C10orf71: variants seen among roughly 807,000 people sequenced by gnomAD.
C10orf71 encodes the protein chromosome 10 open reading frame 71.
For missense variants in C10orf71, 1,869 were observed against 1,804.5 expected (o/e 1.04, Z -0.65); for synonymous variants, 758 against 726.3 (o/e 1.04, Z -0.70).
chr10:49,324,501 G>A lies in C10orf71; in HGVS notation c.1956G>A (p.Arg652=). ...ACCTCTCCCTGAGGCTTTGCAATAG[G>A]GATCCTGAGCCTGGAGGGGCTACAG... The part of the protein sequence containing the change: ...RKHLSLRLCN[R]DPEPGGATEK... Residue 652 remains arginine, a synonymous_variant, in exon 3 of 3, where the codon AGG becomes AGA. Coordinates refer to ENST00000374144, the MANE Select transcript of C10orf71 (RefSeq NM_001135196.2). 1 of 1,611,422 alleles carries A rather than the reference G, an allele frequency of 6.2e-7. No homozygotes were observed. The highest frequency in any genetic ancestry group is 2.2e-5 in the East Asian group (1 of 44,846).
chr10:49,297,181 A>T (rs1014187889), upstream of C10orf71, among the ~76,000 whole-genome samples: 5 of 152,212 alleles, frequency 3.3e-5, no homozygotes, highest in African/African-American at 9.6e-5. Context: ...GGTGCTGAGG[A>T]GGGGAGGAAA....
chr10:49,309,045 T>A (rs1263022842), intron 1 of C10orf71, among the ~76,000 whole-genome samples: 2 of 152,220 alleles, frequency 1.3e-5, no homozygotes, highest in East Asian at 3.8e-4. Context: ...GAGGGGAGCC[T>A]ATCATGCCAA....
chr10:49,315,090 G>A (rs958370658), intron 1 of C10orf71, among the ~76,000 whole-genome samples: 4 of 152,318 alleles, frequency 2.6e-5, no homozygotes, highest in South Asian at 2.1e-4. Flanking sequence ...TTGGGAACAC[G>A]AAGGAGGCCC....
chr10:49,324,703 C>G lies in C10orf71; in HGVS notation c.2158C>G (p.Pro720Ala), dbSNP rs749563469. 1 of 1,602,648 alleles carries G rather than the reference C, an allele frequency of 6.2e-7. No homozygotes were observed. The highest frequency in any genetic ancestry group is 1.3e-5 in the African/African-American group (1 of 74,708). ...FYSDSQSDFM[P>A]SLKGKAKFST... ...CAGTGACAGCCAATCCGATTTTATG[C>G]CAAGCCTCAAAGGTAAGGCCAAATT... is the stretch of plus-strand genomic sequence containing the variant. Residue 720 changes from proline (P) to alanine (A), a missense_variant, in exon 3 of 3, where the codon CCA (proline) becomes GCA (alanine). Pro to Ala is a conservative substitution (Grantham distance 27, BLOSUM62 -1). Coordinates refer to ENST00000374144, the MANE Select transcript of C10orf71 (RefSeq NM_001135196.2).
At position 49,325,779 on chromosome 10, in the gene C10orf71, G is replaced by A. The variant is rs778974852; in HGVS notation, c.3234G>A (p.Glu1078=). ...CSPAASNIWE[E]SSQAPGGPEL... Reference sequence around the variant, plus strand: ...CTGCTGCCAGCAACATTTGGGAGGAGTCTTCCCAGGCCCCTGGAGGACCAG... The same window carrying A: ...CTGCTGCCAGCAACATTTGGGAGGAATCTTCCCAGGCCCCTGGAGGACCAG... Residue 1078 remains glutamate (E), a synonymous_variant, in exon 3 of 3, where the codon GAG becomes GAA. Transcript: ENST00000374144. 1.5e-5 allele frequency: 23 copies of A among 1,551,486 alleles called. 1 individual carries two copies. In the Middle Eastern group the frequency reaches 5.0e-4, roughly 34 times the overall value.
intron 1 of C10orf71, among the ~76,000 whole-genome samples, chr10:49,315,391 T>C (rs1848982942): frequency 6.6e-6 from 1 of 152,196 alleles, no homozygotes; most frequent in South Asian, 2.1e-4. Context: ...TTTTTGGTTC[T>C]TTTAGCTGTC....
intron 2 of C10orf71, among the ~76,000 whole-genome samples, chr10:49,319,692 A>C (rs1849059562): frequency 9.7e-5 from 1 of 10,284 alleles, no homozygotes; most frequent in African/African-American, 2.9e-4. Flanking sequence ...CTATATATAT[A>C]TATATATATA....
At position 49,325,547 on chromosome 10, in the gene C10orf71, T is replaced by G. The variant is rs1849212788; in HGVS notation, c.3002T>G (p.Ile1001Ser). The change falls in exon 3 of 3, where the codon ATC (isoleucine) becomes AGC (serine). Residue 1001 changes from isoleucine (I) to serine (S), a missense_variant. Coordinates refer to ENST00000374144, the MANE Select transcript of C10orf71 (RefSeq NM_001135196.2). The stretch of plus-strand genomic sequence containing the variant: ...GGGAAGCTGGCAGCCCCATGGCACA[T>G]CCCCACCATTGCTTTACCCGAGGGT... The part of the protein sequence containing the change: ...DSGKLAAPWH[I>S]PTIALPEGDI... 6.5e-7 allele frequency: 1 copy of G among 1,550,284 alleles called. No homozygotes were observed. The highest frequency in any genetic ancestry group is 1.2e-5 in the South Asian group (1 of 83,984).
chr10:49,309,306 A>G (rs1484183641), intron 1 of C10orf71, among the ~76,000 whole-genome samples: 1 of 152,186 alleles, frequency 6.6e-6, no homozygotes. Context: ...CCCCTGTGAT[A>G]GGATCAGTGC....
In C10orf71 at chr10:49,323,051, C is replaced by T; in HGVS notation, c.506C>T (p.Ala169Val). ...ESRPTASKPP[A>V]LKNPPKFAPL... is the part of the protein sequence containing the mutation. ...AGGCCCACTGCCAGCAAGCCTCCGG[C>T]TCTGAAAAATCCTCCCAAATTCGCT... The change falls in exon 3 of 3, where the codon GCT (alanine) becomes GTT (valine). Residue 169 changes from alanine to valine, a missense_variant. Coordinates refer to ENST00000374144, the MANE Select transcript of C10orf71 (RefSeq NM_001135196.2). 1 of 1,614,000 alleles carries T rather than the reference C, an allele frequency of 6.2e-7. No individual in the cohort carries two copies. The highest frequency in any genetic ancestry group is 1.1e-5 in the South Asian group (1 of 91,084).
chr10:49,316,593 G>A (rs1849003162), intron 2 of C10orf71, among the ~76,000 whole-genome samples: 2 of 152,128 alleles, frequency 1.3e-5, no homozygotes, highest in Admixed American at 6.5e-5. Context: ...CAACAAATGA[G>A]GCAGAAATTC....
At chr10:49,307,853 T>G (rs904821266) in intron 1 of C10orf71, among the ~76,000 whole-genome samples, 6 of 152,186 alleles carry the variant, frequency 3.9e-5, no homozygotes, top group Admixed American at 2.6e-4. Context: ...CTGTGACTTC[T>G]CATTTCTCCT....
chr10:49,324,316 C>G lies in C10orf71; in HGVS notation c.1771C>G (p.Leu591Val). Residue 591 changes from leucine (L) to valine (V), a missense_variant, in exon 3 of 3, where the codon CTT (leucine) becomes GTT (valine). Physicochemically the swap from Leu to Val is conservative, Grantham distance 32. Coordinates refer to ENST00000374144, the MANE Select transcript of C10orf71 (RefSeq NM_001135196.2). Reference protein sequence around the residue: ...SEPSADSYLTLSTAPTIAKAP... With the variant: ...SEPSADSYLTVSTAPTIAKAP... Reference sequence around the variant, plus strand: ...GCCCTCTGCAGACAGCTATCTAACTCTTAGCACAGCTCCGACTATCGCCAA... The same window carrying G: ...GCCCTCTGCAGACAGCTATCTAACTGTTAGCACAGCTCCGACTATCGCCAA... 5 of 1,613,956 alleles carry G rather than the reference C, an allele frequency of 3.1e-6. No individual in the cohort carries two copies. The highest frequency in any genetic ancestry group is 3.4e-6 in the Non-Finnish European group (4 of 1,179,888).
At chr10:49,314,358 G>T (rs1341725540) in intron 1 of C10orf71, among the ~76,000 whole-genome samples, 1 of 152,166 alleles carries the variant, frequency 6.6e-6, no homozygotes, top group East Asian at 1.9e-4. Context: ...TTAAAACATG[G>T]CCCTGCCATG....
At position 49,323,552 on chromosome 10, in the gene C10orf71, A is replaced by G. The variant is rs1402291548; in HGVS notation, c.1007A>G (p.Asn336Ser). The G allele has an allele frequency of 1.2e-6, 2 of 1,608,426 alleles. No individual in the cohort carries two copies. The highest frequency in any genetic ancestry group is 4.5e-5 in the East Asian group (2 of 44,794). The change falls in exon 3 of 3, where the codon AAC becomes AGC. Residue 336 changes from asparagine (N) to serine (S), a missense_variant. Transcript: ENST00000374144. ...CAGGCCAGCTGCAGTCAGGAAGAGAACAGACTTGCAGCAGGGGCTCTGTCC... is the reference window on the plus strand; with the variant it reads ...CAGGCCAGCTGCAGTCAGGAAGAGAGCAGACTTGCAGCAGGGGCTCTGTCC... Reference protein sequence around the residue: ...QVQASCSQEENRLAAGALSTS... With the variant: ...QVQASCSQEESRLAAGALSTS...
At chr10:49,321,040 C>CGCTTTTATTTATTATTT (rs1849085648) in intron 2 of C10orf71, among the ~76,000 whole-genome samples, 1 of 151,974 alleles carries the variant, frequency 6.6e-6, no homozygotes. Flanking sequence ...TTCCTCCCAC[C>CGCTTTTATTTATTATTT]GCTTTTATTT....
chr10:49,303,004 A>G (rs1848753938), intron 1 of C10orf71, among the ~76,000 whole-genome samples: 1 of 152,250 alleles, frequency 6.6e-6, no homozygotes, highest in African/African-American at 2.4e-5. Flanking sequence ...GAGCAAATGT[A>G]TGAAAAGTTC....
Position 49,324,890 on chromosome 10 carries a change from G to C in C10orf71, c.2345G>C (p.Cys782Ser). The part of the protein sequence containing the change: ...NVMRKDELQY[C>S]ALSNGHACLE... ...ATGCGGAAGGATGAGCTGCAGTACT[G>C]TGCCTTAAGCAATGGGCACGCATGC... Residue 782 changes from cysteine to serine, a missense_variant, in exon 3 of 3, where the codon TGT becomes TCT. Coordinates refer to ENST00000374144, the MANE Select transcript of C10orf71 (RefSeq NM_001135196.2). 6.4e-7 allele frequency: 1 copy of C among 1,551,596 alleles called. No individual in the cohort carries two copies. Among genetic ancestry groups the C allele is most frequent in the South Asian group, 1.2e-5 (1 of 84,038 alleles).
In C10orf71 at chr10:49,324,518, G is replaced by A. The variant is rs1849177059; in HGVS notation, c.1973G>A (p.Gly658Glu). 1 of 1,612,644 alleles carries A rather than the reference G, an allele frequency of 6.2e-7. No individual in the cohort carries two copies. The highest frequency in any genetic ancestry group is 8.5e-7 in the Non-Finnish European group (1 of 1,179,262). ...RLCNRDPEPG[G>E]ATEKMKTHQL... Reference sequence around the variant, plus strand: ...TGCAATAGGGATCCTGAGCCTGGAGGGGCTACAGAGAAAATGAAGACCCAC... The same window carrying A: ...TGCAATAGGGATCCTGAGCCTGGAGAGGCTACAGAGAAAATGAAGACCCAC... The change falls in exon 3 of 3, where the codon GGG becomes GAG. Residue 658 changes from glycine (G) to glutamate (E), a missense_variant. Physicochemically the swap from Gly to Glu is moderately conservative, Grantham distance 98. Coordinates refer to ENST00000374144, the MANE Select transcript of C10orf71 (RefSeq NM_001135196.2).
Sources: allele counts gnomAD v4.1 joint callset (sites outside exome capture counted in the v4.1 genomes callset), GRCh38; gene constraint gnomAD v4.1.1; transcripts MANE v1.5; gene names NCBI Gene and HGNC (gene_info 2026-07-23, HGNC 2026-07-21).